The following FABP12 variants were observed in gnomAD, a reference collection of about 807,000 sequenced individuals.
The protein encoded by FABP12 is fatty acid binding protein 12.
A neutral mutation model predicts 13.7 loss-of-function variants in FABP12; 19 were observed. The ratio of observed to expected loss-of-function variants is 1.39; its 90% CI spans 0.97 to 2.04. The LOEUF is 2.04. FABP12 is among the 30% of genes most tolerant of loss of function. The pLI is 0.00. For missense variants in FABP12, 182 were observed against 164.2 expected, an observed-to-expected ratio of 1.11 and a Z score of -0.59; for synonymous variants, 61 against 57.0, an observed-to-expected ratio of 1.07 and a Z score of -0.32.
chr8:81,584,926 G>A (rs186078616), intron 1 of FABP12, among the ~76,000 whole-genome samples: 2 of 152,224 alleles, frequency 1.3e-5, no homozygotes, highest in Admixed American at 6.5e-5. Flanking sequence ...TCATATACCT[G>A]TTGGCCATTT....
At chr8:81,568,812 A>G (rs184145679) in intron 1 of FABP12, among the ~76,000 whole-genome samples, 134 of 152,330 alleles carry the variant, frequency 8.8e-4, no homozygotes, top group African/African-American at 3.1e-3. Context: ...TTGTAGCAAC[A>G]TGGATGGAAG....
At chr8:81,572,073 G>A (rs1202211970) in intron 1 of FABP12, among the ~76,000 whole-genome samples, 1 of 151,804 alleles carries the variant, frequency 6.6e-6, no homozygotes, top group Admixed American at 6.6e-5. Context: ...AGTATACACT[G>A]CACCATATTT....
chr8:81,567,351 A>C (rs934641833), intron 1 of FABP12, among the ~76,000 whole-genome samples: 1 of 152,248 alleles, frequency 6.6e-6, no homozygotes, highest in African/African-American at 2.4e-5. Context: ...AGAATAGCCA[A>C]AGCAAGCCTG....
At chr8:81,572,101 GC>G (rs1809943430) in intron 1 of FABP12, among the ~76,000 whole-genome samples, 1 of 144,402 alleles carries the variant, frequency 6.9e-6, no homozygotes, top group Non-Finnish European at 1.5e-5. Flanking sequence ...TTTATACCTT[GC>G]CCCCTCCCAC....
At chr8:81,569,243 A>G (rs2130067444) in intron 1 of FABP12, among the ~76,000 whole-genome samples, 1 of 152,326 alleles carries the variant, frequency 6.6e-6, no homozygotes, top group African/African-American at 2.4e-5. Flanking sequence ...TCTGATATAT[A>G]CCCACATAAA....
At chr8:81,585,876 T>C (rs886815845) in intron 1 of FABP12, among the ~76,000 whole-genome samples, 1 of 152,200 alleles carries the variant, frequency 6.6e-6, no homozygotes, top group African/African-American at 2.4e-5. Context: ...AGGGTGCACA[T>C]GCAGGTTTGT....
At chr8:81,574,424 T>C (rs1258874915) in intron 1 of FABP12, among the ~76,000 whole-genome samples, 3 of 152,102 alleles carry the variant, frequency 2.0e-5, no homozygotes, top group Non-Finnish European at 4.4e-5. Flanking sequence ...CTTTTTTTGT[T>C]TGTGTCCTTT....
At chr8:81,525,672 C>G (rs11990671) in intron 4 of FABP12, among the ~76,000 whole-genome samples, 69,824 of 151,826 alleles carry the variant, frequency 0.46, 19,193 homozygotes, top group East Asian at 0.86. Flanking sequence ...TGGTATATTT[C>G]GGGTATATAT....
chr8:81,570,765 G>T (rs756165823), intron 1 of FABP12, among the ~76,000 whole-genome samples: 87 of 152,282 alleles, frequency 5.7e-4, no homozygotes, highest in Middle Eastern at 3.4e-3. Context: ...CTGTGCTCTG[G>T]CTAAACCCGG....
At chr8:81,558,887 CAAAAAAAAA>C (rs35682824) in intron 1 of FABP12, among the ~76,000 whole-genome samples, 2,312 of 67,618 alleles carry the variant, frequency 0.034, 57 homozygotes, top group African/African-American at 0.11. Context: ...AAGGCTCCAT[CAAAAAAAAA>C]AAAAAAAAAA....
At chr8:81,553,921 C>T (rs1041901072) in intron 1 of FABP12, among the ~76,000 whole-genome samples, 2 of 152,154 alleles carry the variant, frequency 1.3e-5, no homozygotes, top group Non-Finnish European at 2.9e-5. Flanking sequence ...GTTTCTTTCA[C>T]TCATGTAACC....
At chr8:81,548,786 T>C (rs1266372409) in intron 1 of FABP12, among the ~76,000 whole-genome samples, 1 of 152,086 alleles carries the variant, frequency 6.6e-6, no homozygotes, top group African/African-American at 2.4e-5. Flanking sequence ...GAGTATAGCA[T>C]GTATGGTGTG....
intron 1 of FABP12, among the ~76,000 whole-genome samples, chr8:81,587,304 G>A (rs1343706257): frequency 6.6e-6 from 1 of 152,092 alleles, no homozygotes; most frequent in African/African-American, 2.4e-5. Context: ...ACGAATTTAA[G>A]AATATTTTTT....
chr8:81,551,502 C>T (rs758275385), intron 1 of FABP12, among the ~76,000 whole-genome samples: 1 of 152,046 alleles, frequency 6.6e-6, no homozygotes, highest in Non-Finnish European at 1.5e-5. Flanking sequence ...GTGAAATACT[C>T]GTTTTATAAA....
chr8:81,554,837 A>C (rs1420347767), intron 1 of FABP12, among the ~76,000 whole-genome samples: 1 of 152,180 alleles, frequency 6.6e-6, no homozygotes, highest in East Asian at 1.9e-4. Flanking sequence ...AAATCTCATA[A>C]GGTTCTAAGA....
intron 1 of FABP12, among the ~76,000 whole-genome samples, chr8:81,578,543 T>C (rs928066562): frequency 1.7e-4 from 25 of 150,544 alleles, no homozygotes; most frequent in Non-Finnish European, 3.0e-4. Flanking sequence ...TGGAGTGCAA[T>C]GGCATGATCT....
intron 1 of FABP12, among the ~76,000 whole-genome samples, chr8:81,569,193 C>T (rs1001879079): frequency 6.6e-6 from 1 of 152,120 alleles, no homozygotes; most frequent in Non-Finnish European, 1.5e-5. Flanking sequence ...ATACATTGTA[C>T]ACCTGAATCA....
Position 81,563,778 on chromosome 8 carries a change from C to T in FABP12, c.-184-24035G>A, listed in dbSNP as rs1341536767. ...AAGAATAATAAAGAAAGAAACACAC[C>T]CACAAGATCTAGAAAATACCCTCAA... On this transcript the variant is annotated intron_variant, in intron 1 of 5. Coordinates refer to the FABP12 transcript ENST00000692030. 2.6e-5 allele frequency among the ~76,000 whole-genome samples: 4 copies of T among 152,042 alleles called. No individual in the cohort carries two copies. The East Asian group carries it at 7.7e-4, about 29-fold the overall frequency.
intron 1 of FABP12, among the ~76,000 whole-genome samples, chr8:81,578,508 C>CA (rs1810092648): frequency 7.0e-6 from 1 of 143,854 alleles, no homozygotes; most frequent in African/African-American, 2.6e-5. Context: ...TTTTTCGAGA[C>CA]AGAGTCTTGC....
Sources: allele counts gnomAD v4.1 joint callset (sites outside exome capture counted in the v4.1 genomes callset), GRCh38; gene constraint gnomAD v4.1.1; transcripts MANE v1.5; gene names NCBI Gene and HGNC (gene_info 2026-07-23, HGNC 2026-07-21).